NKAIN3: variants seen among roughly 807,000 people sequenced by gnomAD.
NKAIN3 encodes sodium/potassium transporting ATPase interacting 3.
Under a neutral mutation model 30.2 loss-of-function variants are expected in NKAIN3, and 25 were observed. The observed-to-expected ratio is 0.83, with a 90% CI of 0.60 to 1.16. The LOEUF is 1.16. Ranked by LOEUF, NKAIN3 falls within the 50% of genes most tolerant of loss-of-function variation. NKAIN3 has a pLI of 0.00. For missense variants in NKAIN3, 225 were observed against 254.1 expected (o/e 0.89, Z 0.78); for synonymous variants, 91 against 89.6 (o/e 1.02, Z -0.09).
rs1178281513 is a variant in NKAIN3 at position 62,965,213 on chromosome 8, TTAA to T, written c.604-140_604-138del. On this transcript the variant is annotated intron_variant, in intron 6 of 6. Coordinates refer to ENST00000623646, the MANE Select transcript of NKAIN3 (RefSeq NM_001304533.3). ...CTGAAAAGCAGGAAGGCCCAAGTCT[TTAA>T]CTTTCTTATTGCTACAGTCAGACAG... 7.8e-6 allele frequency: 6 copies of T among 769,122 alleles called. No individual in the cohort carries two copies. In the East Asian group the frequency reaches 7.7e-4, roughly 99 times the overall value. The allele number at this position is 769,122 out of a possible 1,614,324, so 47.6% of individuals were successfully genotyped here. A position where few individuals can be genotyped will look rare whatever the true frequency, so the allele number is the denominator to read the frequency against.
At chr8:62,945,600 A>G (rs1489045193) in intron 5 of NKAIN3, among the ~76,000 whole-genome samples, 1 of 151,850 alleles carries the variant, frequency 6.6e-6, no homozygotes, top group Non-Finnish European at 1.5e-5. Flanking sequence ...GAATGGCCAT[A>G]CTTTTTCAAA....
At chr8:62,953,002 G>A (rs1180279195) in intron 5 of NKAIN3, among the ~76,000 whole-genome samples, 2 of 152,152 alleles carry the variant, frequency 1.3e-5, no homozygotes, top group East Asian at 3.9e-4. Flanking sequence ...CTATTTATGG[G>A]TTTTGTCTTA....
chr8:62,530,812 G>A lies in NKAIN3; in HGVS notation c.55-48727G>A, dbSNP rs538260179. On this transcript the variant is annotated intron_variant, in intron 1 of 6. Transcript: ENST00000623646. ...TGCCACCACACCTGGCTAATTTTTT[G>A]TATTTTTAGTAGAAACGGGATTTCA... 4.6e-5 allele frequency among the ~76,000 whole-genome samples: 7 copies of A among 151,912 alleles called. No homozygotes were observed. The East Asian group carries it at 1.2e-3, about 25-fold the overall frequency.
intron 1 of NKAIN3, among the ~76,000 whole-genome samples, chr8:62,469,976 T>C (rs1287407313): frequency 6.6e-6 from 1 of 152,210 alleles, no homozygotes; most frequent in East Asian, 1.9e-4. Flanking sequence ...GCACAGATCC[T>C]GGTATGCTTT....
chr8:62,765,033 AG>A (rs1816786747), intron 4 of NKAIN3, among the ~76,000 whole-genome samples: 1 of 152,166 alleles, frequency 6.6e-6, no homozygotes, highest in African/African-American at 2.4e-5. Context: ...TCACGAGGTC[AG>A]GAGCTCGAGT....
At chr8:62,707,948 A>G (rs1371305832) in intron 3 of NKAIN3, among the ~76,000 whole-genome samples, 2 of 152,112 alleles carry the variant, frequency 1.3e-5, no homozygotes, top group African/African-American at 2.4e-5. Context: ...ATATGTGGCT[A>G]GCCAGTTACC....
chr8:62,863,344 G>T, intron 4 of NKAIN3: 3 of 1,548,530 alleles, frequency 1.9e-6, no homozygotes, highest in Non-Finnish European at 2.6e-6. Context: ...CTGCCCCTCA[G>T]TGGTCTCAGC....
chr8:62,458,277 A>G (rs1039487744), intron 1 of NKAIN3, among the ~76,000 whole-genome samples: 6 of 152,206 alleles, frequency 3.9e-5, no homozygotes, highest in Admixed American at 3.9e-4. Flanking sequence ...AAACCTAAGG[A>G]GTAAGGAAAG....
intron 1 of NKAIN3, among the ~76,000 whole-genome samples, chr8:62,310,791 T>C (rs1438650198): frequency 6.7e-6 from 1 of 150,368 alleles, no homozygotes; most frequent in Non-Finnish European, 1.5e-5. Flanking sequence ...TATAAGACCC[T>C]GAATCAACCA....
intron 3 of NKAIN3, among the ~76,000 whole-genome samples, chr8:62,687,576 C>T (rs545342843): frequency 4.6e-5 from 7 of 152,152 alleles, no homozygotes; most frequent in Admixed American, 4.6e-4. Flanking sequence ...ATTCCCAAGC[C>T]CTCCAACCCC....
chr8:62,789,408 G>T (rs1261855022), intron 4 of NKAIN3, among the ~76,000 whole-genome samples: 1 of 152,104 alleles, frequency 6.6e-6, no homozygotes, highest in Admixed American at 6.6e-5. Context: ...TGCTGAAGTT[G>T]CTTATCAGCT....
At chr8:62,705,183 A>T (rs544949014) in intron 3 of NKAIN3, among the ~76,000 whole-genome samples, 1 of 152,306 alleles carries the variant, frequency 6.6e-6, no homozygotes, top group South Asian at 2.1e-4. Context: ...TATGGATATG[A>T]ATGTTCTAAA....
At chr8:62,444,171 T>G (rs1385166551) in intron 1 of NKAIN3, among the ~76,000 whole-genome samples, 2 of 152,148 alleles carry the variant, frequency 1.3e-5, no homozygotes, top group African/African-American at 4.8e-5. Flanking sequence ...TTATATAATA[T>G]ATAATATGTG....
chr8:62,832,710 A>G (rs1819235874), intron 4 of NKAIN3, among the ~76,000 whole-genome samples: 1 of 151,154 alleles, frequency 6.6e-6, no homozygotes, highest in Middle Eastern at 3.4e-3. Flanking sequence ...TTCTAGAGCT[A>G]TGAAAAGACT....
chr8:62,866,365 C>T (rs114367249), intron 4 of NKAIN3, among the ~76,000 whole-genome samples: 8 of 152,154 alleles, frequency 5.3e-5, no homozygotes, highest in African/African-American at 1.2e-4. Flanking sequence ...ATATTCATTC[C>T]GTAGGTAGCT....
rs1412643288 is a variant in NKAIN3 at position 62,903,384 on chromosome 8, G to T, written c.472-15069G>T. On this transcript the variant is annotated intron_variant, in intron 4 of 6. Transcript: ENST00000623646. ...ACAAACAGATTAGGTATTACTGGGA[G>T]TCACACTCTCCCCAGAGTGATCCAA... is the stretch of plus-strand genomic sequence containing the variant. 9.9e-5 allele frequency among the ~76,000 whole-genome samples: 15 copies of T among 152,098 alleles called. 1 individual carries two copies. Among genetic ancestry groups the T allele is most frequent in the Admixed American group, 9.8e-4 (15 of 15,270 alleles).
At chr8:62,548,626 T>C (rs1809092845) in intron 1 of NKAIN3, among the ~76,000 whole-genome samples, 1 of 152,078 alleles carries the variant, frequency 6.6e-6, no homozygotes, top group Non-Finnish European at 1.5e-5. Flanking sequence ...GTCAAACCAG[T>C]GGAGTAAAAT....
intron 1 of NKAIN3, among the ~76,000 whole-genome samples, chr8:62,466,386 C>T (rs895627152): frequency 1.3e-5 from 2 of 152,148 alleles, no homozygotes; most frequent in East Asian, 1.9e-4. Context: ...TCAGTGTTTT[C>T]GTCTCTAAGA....
intron 1 of NKAIN3, among the ~76,000 whole-genome samples, chr8:62,282,396 A>G (rs1168017469): frequency 6.6e-6 from 1 of 152,122 alleles, no homozygotes; most frequent in Admixed American, 6.6e-5. Flanking sequence ...CTGGGCTTGT[A>G]GGGATACCCA....
Sources: gnomAD v4.1 joint callset for allele counts (sites outside exome capture counted in the v4.1 genomes callset) on GRCh38, gnomAD v4.1.1 for gene constraint, MANE v1.5 for transcripts, NCBI Gene and HGNC (gene_info 2026-07-23, HGNC 2026-07-21) for gene names.